Variants in CTNNA3 observed in about 807,000 individuals in gnomAD.
CTNNA3 encodes the protein catenin alpha 3.
Under a neutral mutation model 95.7 loss-of-function variants are expected in CTNNA3, and 76 were observed. The ratio of observed to expected loss-of-function variants is 0.79; its 90% confidence interval spans 0.66 to 0.96. CTNNA3 has a LOEUF of 0.96. CTNNA3 is among the 40% of genes least tolerant of loss of function. The probability of loss-of-function intolerance (pLI) is 0.00; values close to 1 mark genes in which losing one functional copy is unlikely to be tolerated. For synonymous variants in CTNNA3, 431 were observed against 374.4 expected (o/e 1.15, Z -1.74); for missense variants, 1,191 against 1,089.8 (o/e 1.09, Z -1.31).
At chr10:66,348,706 C>G (rs2092543924) in intron 12 of CTNNA3, among the ~76,000 whole-genome samples, 1 of 152,004 alleles carries the variant, frequency 6.6e-6, no homozygotes. Flanking sequence ...CCTCCTACAC[C>G]ATTATAGTCT....
At chr10:66,036,534 C>T (rs2079566780) in intron 15 of CTNNA3, among the ~76,000 whole-genome samples, 1 of 151,994 alleles carries the variant, frequency 6.6e-6, no homozygotes, top group African/African-American at 2.4e-5. Context: ...ACCACCACGC[C>T]CTGCTAATTT....
At chr10:67,032,102 C>T (rs1018527033) in intron 7 of CTNNA3, among the ~76,000 whole-genome samples, 1 of 152,136 alleles carries the variant, frequency 6.6e-6, no homozygotes, top group Non-Finnish European at 1.5e-5. Context: ...GAAATCTTCA[C>T]CATTTTCCCA....
At chr10:67,567,252 T>A (rs1265792259) in intron 3 of CTNNA3, among the ~76,000 whole-genome samples, 7 of 133,834 alleles carry the variant, frequency 5.2e-5, no homozygotes, top group African/African-American at 6.5e-5. Flanking sequence ...AATGAGAAAA[T>A]GGCAAAAAAA....
chr10:66,846,579 G>A (rs557058117), intron 7 of CTNNA3, among the ~76,000 whole-genome samples: 111 of 150,466 alleles, frequency 7.4e-4, no homozygotes, highest in African/African-American at 2.6e-3. Flanking sequence ...TATACCATAT[G>A]TGTGTGTGTG....
intron 12 of CTNNA3, among the ~76,000 whole-genome samples, chr10:66,293,239 T>C (rs2091716200): frequency 6.6e-6 from 1 of 152,106 alleles, no homozygotes; most frequent in African/African-American, 2.4e-5. Context: ...TGGCTGAAAA[T>C]GTAGATTTTA....
At chr10:67,066,279 G>A (rs953914120) in intron 7 of CTNNA3, among the ~76,000 whole-genome samples, 2 of 139,782 alleles carry the variant, frequency 1.4e-5, no homozygotes, top group East Asian at 2.2e-4. Flanking sequence ...TGCAACCTCC[G>A]CCTCCCGGGT....
intron 10 of CTNNA3, among the ~76,000 whole-genome samples, chr10:66,521,702 C>T (rs545542781): frequency 2.0e-5 from 3 of 152,228 alleles, no homozygotes; most frequent in South Asian, 2.1e-4. Flanking sequence ...AGTAAAATGC[C>T]TTTAGCATAT....
At chr10:67,140,747 A>C (rs903884819) in intron 7 of CTNNA3, among the ~76,000 whole-genome samples, 3 of 152,198 alleles carry the variant, frequency 2.0e-5, no homozygotes, top group African/African-American at 7.2e-5. Context: ...AGGACAGGTC[A>C]AGTCCTATTT....
chr10:67,077,510 C>T lies in CTNNA3; in HGVS notation c.1047+102807G>A, dbSNP rs1399005923. On this transcript the variant is annotated intron_variant, in intron 7 of 17. Coordinates refer to ENST00000433211, the MANE Select transcript of CTNNA3 (RefSeq NM_013266.4). ...GACCCTCTGTCCCCTGCCTGCCTCT[C>T]ATCCTTTGCACAATGTTACCTTGGC... 2.0e-5 allele frequency among the ~76,000 whole-genome samples: 3 copies of T among 152,238 alleles called. No individual in the cohort carries two copies. The East Asian group carries it at 5.8e-4, about 29-fold the overall frequency.
intron 7 of CTNNA3, among the ~76,000 whole-genome samples, chr10:66,983,743 T>C (rs1395848456): frequency 6.6e-6 from 1 of 152,186 alleles, no homozygotes; most frequent in African/African-American, 2.4e-5. Context: ...ATGATACAGT[T>C]TTTAGGAAAA....
At chr10:66,223,287 A>C (rs1032148889) in intron 13 of CTNNA3, among the ~76,000 whole-genome samples, 2 of 152,080 alleles carry the variant, frequency 1.3e-5, no homozygotes, top group African/African-American at 4.8e-5. Context: ...TTTTTAAACT[A>C]CCTAAGTATG....
chr10:66,072,956 G>T (rs1165348870), intron 14 of CTNNA3, among the ~76,000 whole-genome samples: 1 of 152,242 alleles, frequency 6.6e-6, no homozygotes, highest in Admixed American at 6.5e-5. Flanking sequence ...CCATAAAAAA[G>T]AATGAAATCC....
intron 5 of CTNNA3, among the ~76,000 whole-genome samples, chr10:67,231,033 G>C (rs542439585): frequency 1.3e-5 from 2 of 152,310 alleles, no homozygotes; most frequent in East Asian, 1.9e-4. Flanking sequence ...TACGCCCACC[G>C]AGTCTCGCTG....
intron 11 of CTNNA3, among the ~76,000 whole-genome samples, chr10:66,386,547 C>T (rs1277625319): frequency 6.6e-5 from 10 of 152,000 alleles, no homozygotes; most frequent in African/African-American, 2.2e-4. Context: ...TTCAATGCCA[C>T]CCCCATCAAG....
rs572222545 is a variant in CTNNA3, at chr10:66,949,947, T to A, written c.1048-174423A>T. Among the ~76,000 whole-genome samples, 10 of 152,286 alleles carry A rather than the reference T, an allele frequency of 6.6e-5. No homozygotes were observed. In the South Asian group the frequency reaches 2.1e-3, roughly 32 times the overall value. ...AGCCAGACATTAAATAGAAAACTTG[T>A]CACTTCACAGCTCAGAAAGTTCTAA... On this transcript the variant is annotated intron_variant, in intron 7 of 17. Transcript: ENST00000433211.
chr10:67,455,255 A>C (rs898326783), intron 5 of CTNNA3, among the ~76,000 whole-genome samples: 3 of 152,204 alleles, frequency 2.0e-5, no homozygotes, highest in African/African-American at 7.2e-5. Flanking sequence ...TAAAATAGGC[A>C]TGCCTTATCT....
intron 7 of CTNNA3, among the ~76,000 whole-genome samples, chr10:66,995,680 A>C (rs1239118482): frequency 1.3e-5 from 2 of 152,058 alleles, no homozygotes; most frequent in African/African-American, 2.4e-5. Context: ...GACAACTAAG[A>C]CTCAGACTCA....
At chr10:66,191,635 CTGTAGCACCCA>C (rs750112583) in intron 13 of CTNNA3, among the ~76,000 whole-genome samples, 13 of 149,548 alleles carry the variant, frequency 8.7e-5, no homozygotes, top group Non-Finnish European at 1.2e-4. Flanking sequence ...AAAAAAACTC[CTGTAGCACCCA>C]TGTATATCTC....
At chr10:66,167,495 T>TG (rs1564721751) in intron 13 of CTNNA3, among the ~76,000 whole-genome samples, 10 of 152,206 alleles carry the variant, frequency 6.6e-5, no homozygotes, top group Non-Finnish European at 1.2e-4. Context: ...TTGAAGTTCC[T>TG]ACTTAGAAGT....
Sources: gnomAD v4.1 joint callset for allele counts (sites outside exome capture counted in the v4.1 genomes callset) on GRCh38, gnomAD v4.1.1 for gene constraint, MANE v1.5 for transcripts, NCBI Gene and HGNC (gene_info 2026-07-23, HGNC 2026-07-21) for gene names.